The following EGFR variants were observed in gnomAD, a reference collection of about 807,000 sequenced individuals.
EGFR encodes avian erythroblastic leukemia viral (v-erb-b) oncogene homolog.
A neutral mutation model predicts 143.0 loss-of-function variants in EGFR; 58 were observed. The ratio of observed to expected loss-of-function variants is 0.41; its 90% CI spans 0.33 to 0.50. The LOEUF (loss-of-function observed/expected upper bound fraction) is 0.50, where lower values mean the gene tolerates loss of function less well. Ranked by LOEUF, EGFR falls within the 20% of genes least tolerant of loss-of-function variation. EGFR has a pLI of 0.39. For synonymous variants in EGFR, 613 were observed against 594.4 expected, an observed-to-expected ratio of 1.03 and a Z score of -0.45; for missense variants, 1,307 against 1,579.0, an observed-to-expected ratio of 0.83 and a Z score of 2.92.
chr7:55,086,873 C>T (rs1790794694), intron 1 of EGFR, among the ~76,000 whole-genome samples: 1 of 152,236 alleles, frequency 6.6e-6, no homozygotes, highest in African/African-American at 2.4e-5. Flanking sequence ...TCTCCACCCC[C>T]TCGTGCCTCT....
intron 20 of EGFR, 142 bp from the exon 21 acceptor site, chr7:55,191,577 A>G: frequency 9.8e-7 from 1 of 1,022,860 alleles, no homozygotes; most frequent in Non-Finnish European, 1.5e-6. Flanking sequence ...CATTCTTTGG[A>G]TCAGTAGTCA....
intron 4 of EGFR, among the ~76,000 whole-genome samples, chr7:55,150,662 C>T (rs531072501): frequency 9.9e-5 from 15 of 152,212 alleles, no homozygotes; most frequent in Non-Finnish European, 1.9e-4. Flanking sequence ...AAAGAAAACA[C>T]GACAGATGAC....
chr7:55,160,862 A>G (rs1009307408), intron 12 of EGFR, among the ~76,000 whole-genome samples: 2 of 152,220 alleles, frequency 1.3e-5, no homozygotes, highest in Admixed American at 6.5e-5. Context: ...TAATCTGTTT[A>G]GGCTTTGGCT....
At chr7:55,120,570 C>A (rs917448680) in intron 1 of EGFR, among the ~76,000 whole-genome samples, 1 of 152,134 alleles carries the variant, frequency 6.6e-6, no homozygotes, top group African/African-American at 2.4e-5. Context: ...AAATATTCAC[C>A]AGAGTATTTA....
chr7:55,120,087 C>T (rs1793107772), intron 1 of EGFR, among the ~76,000 whole-genome samples: 1 of 152,164 alleles, frequency 6.6e-6, no homozygotes, highest in Admixed American at 6.5e-5. Context: ...TGGATGGACC[C>T]GAGGCCGCTG....
chr7:55,138,884 T>C (rs1374975512), intron 1 of EGFR, among the ~76,000 whole-genome samples: 15 of 152,216 alleles, frequency 9.9e-5, no homozygotes, highest in Admixed American at 7.9e-4. Flanking sequence ...AGGGCCTTCA[T>C]GCTGTGTCAA....
chr7:55,169,191 C>T (rs899784182), intron 15 of EGFR, among the ~76,000 whole-genome samples: 16 of 151,900 alleles, frequency 1.1e-4, no homozygotes, highest in Non-Finnish European at 4.4e-5. Context: ...ACCTCCACCT[C>T]CCAGGTTCAA....
chr7:55,179,172 G>C (rs1786740825), intron 19 of EGFR, among the ~76,000 whole-genome samples: 1 of 152,252 alleles, frequency 6.6e-6, no homozygotes, highest in Admixed American at 6.5e-5. Flanking sequence ...ACTTGGTGGG[G>C]AGGGTATTTT....
chr7:55,192,873 T>C (rs1440132624), intron 22 of EGFR, 32 bp downstream of exon 22: 1 of 1,597,460 alleles, frequency 6.3e-7, no homozygotes, highest in South Asian at 1.1e-5. Flanking sequence ...AATGAGTTTG[T>C]ACTGAGGCCA....
chr7:55,053,639 G>A (rs1788616683), intron 1 of EGFR, among the ~76,000 whole-genome samples: 1 of 152,222 alleles, frequency 6.6e-6, no homozygotes, highest in Non-Finnish European at 1.5e-5. Context: ...GGACCAGGAG[G>A]ACACACAGCT....
At chr7:55,066,639 TG>T (rs1441881470) in intron 1 of EGFR, among the ~76,000 whole-genome samples, 1 of 152,236 alleles carries the variant, frequency 6.6e-6, no homozygotes, top group Non-Finnish European at 1.5e-5. Flanking sequence ...GTTGCTATTG[TG>T]AAAGTCAGCT....
At chr7:55,126,374 G>A (rs1434617998) in intron 1 of EGFR, among the ~76,000 whole-genome samples, 2 of 152,178 alleles carry the variant, frequency 1.3e-5, no homozygotes, top group East Asian at 1.9e-4. Context: ...TGCTCTTCTG[G>A]GTGTTGTGCA....
intron 1 of EGFR, among the ~76,000 whole-genome samples, chr7:55,103,844 A>T (rs1246228740): frequency 6.6e-6 from 1 of 152,236 alleles, no homozygotes; most frequent in Admixed American, 6.5e-5. Context: ...AGATTTCATC[A>T]TCTCTGGTTT....
At chr7:55,204,241 CCACA>C (rs1238309417) in intron 27 of EGFR, among the ~76,000 whole-genome samples, 2 of 144,566 alleles carry the variant, frequency 1.4e-5, no homozygotes, top group Admixed American at 6.9e-5. Context: ...TACACACACA[CCACA>C]CACACATACA....
chr7:55,205,800 C>T lies in EGFR; in HGVS notation c.*183C>T. 3 of 823,836 alleles carry T rather than the reference C, an allele frequency of 3.6e-6. No homozygotes were observed. The highest frequency in any genetic ancestry group is 3.8e-6 in the Non-Finnish European group (2 of 522,344). The allele number at this position is 823,836 out of a possible 1,614,324, so 51.0% of individuals were successfully genotyped here. On this transcript the variant is annotated 3_prime_UTR_variant, in exon 28 of 28. Transcript: ENST00000275493. ...ACCTCGGGCACATTTTGGGAAGTTGCATTCCTTTGTCTTCAAACTGTGAAG... is the reference window on the plus strand; with the variant it reads ...ACCTCGGGCACATTTTGGGAAGTTGTATTCCTTTGTCTTCAAACTGTGAAG...
intron 15 of EGFR, among the ~76,000 whole-genome samples, chr7:55,170,034 G>A (rs1424878300): frequency 6.6e-6 from 1 of 152,156 alleles, no homozygotes; most frequent in East Asian, 1.9e-4. Flanking sequence ...GAGGTAGTGG[G>A]GTGGGCAGTA....
intron 15 of EGFR, among the ~76,000 whole-genome samples, chr7:55,165,799 T>C (rs1785949650): frequency 6.6e-6 from 1 of 152,372 alleles, no homozygotes; most frequent in African/African-American, 2.4e-5. Flanking sequence ...TGTTTTGCAA[T>C]GAATAAAAGG....
chr7:55,152,689 C>G (rs1785220457), intron 6 of EGFR, 25 bp downstream of exon 6: 1 of 1,603,828 alleles, frequency 6.2e-7, no homozygotes, highest in African/African-American at 1.3e-5. Flanking sequence ...CAGCAGCCTC[C>G]CTGGAGCAGG....
chr7:55,178,024 G>A (rs845553), intron 19 of EGFR, among the ~76,000 whole-genome samples: 17,825 of 152,254 alleles, frequency 0.12, 1,274 homozygotes, highest in Non-Finnish European at 0.16. Context: ...GGGGCCTGGC[G>A]GGGCTCCAGG....
Sources: gnomAD v4.1 joint callset for allele counts (sites outside exome capture counted in the v4.1 genomes callset) on GRCh38, gnomAD v4.1.1 for gene constraint, MANE v1.5 for transcripts, NCBI Gene and HGNC (gene_info 2026-07-23, HGNC 2026-07-21) for gene names.